The following PVT1 variants were observed in gnomAD, a reference collection of about 807,000 sequenced individuals.
PVT1 encodes CXCR4/PVT1 fusion.
chr8:127,881,831 T>C lies in PVT1; in HGVS notation n.373-8758T>C, dbSNP rs114342782. Among the ~76,000 whole-genome samples the C allele has an allele frequency of 2.3e-3, 344 of 152,180 alleles. 1 individual carries two copies. The highest frequency in any genetic ancestry group is 8.0e-3 in the African/African-American group (334 of 41,514). The stretch of plus-strand genomic sequence containing the variant: ...TGGCTCACTGCAACCTCCACTGACT[T>C]CCTGGACTCAAGGAATCCTCTTACC... On this transcript the variant is annotated intron_variant and non_coding_transcript_variant, in intron 2 of 10. Coordinates refer to ENST00000651587, the Ensembl canonical transcript of PVT1.
At chr8:128,041,046 T>G (rs1813526227) in intron 4 of PVT1, among the ~76,000 whole-genome samples, 1 of 150,980 alleles carries the variant, frequency 6.6e-6, no homozygotes, top group African/African-American at 2.4e-5. Flanking sequence ...TGAGTGCCTG[T>G]GTGTTTGTGT....
At chr8:127,909,381 T>C (rs1482007569) in intron 3 of PVT1, among the ~76,000 whole-genome samples, 1 of 152,230 alleles carries the variant, frequency 6.6e-6, no homozygotes, top group Non-Finnish European at 1.5e-5. Context: ...TTCAAAGTGA[T>C]GCATCTCGAG....
At position 127,873,501 on chromosome 8, in the gene PVT1, A is replaced by G. The variant is rs187810984; in HGVS notation, n.373-17088A>G. On this transcript the variant is annotated intron_variant and non_coding_transcript_variant, in intron 2 of 10. Transcript: ENST00000651587. ...TGAGCTAGTAGGTGGTATCAATAGT[A>G]GCTAATATCTATTTCATGTTTTTTT... 1.8e-4 allele frequency among the ~76,000 whole-genome samples: 28 copies of G among 152,292 alleles called. No individual in the cohort carries two copies. The East Asian group carries it at 5.2e-3, about 28-fold the overall frequency.
At chr8:127,940,900 C>T (rs1816341840) in intron 3 of PVT1, among the ~76,000 whole-genome samples, 1 of 152,214 alleles carries the variant, frequency 6.6e-6, no homozygotes. Context: ...CTATGTCCGG[C>T]TCACGTCCAG....
intron 4 of PVT1, among the ~76,000 whole-genome samples, chr8:128,060,959 TA>T (rs1459466673): frequency 5.5e-4 from 82 of 149,562 alleles, no homozygotes; most frequent in Non-Finnish European, 6.5e-4. Flanking sequence ...ACCCAGGCTG[TA>T]GTGCAGTGGC....
intron 2 of PVT1, among the ~76,000 whole-genome samples, chr8:127,849,641 T>C (rs1326846535): frequency 6.6e-6 from 1 of 151,190 alleles, no homozygotes; most frequent in African/African-American, 2.5e-5. Context: ...AGCCTGTACA[T>C]ATGTGTGTGT....
At chr8:127,873,433 G>A (rs1257180652) in intron 2 of PVT1, among the ~76,000 whole-genome samples, 1 of 152,156 alleles carries the variant, frequency 6.6e-6, no homozygotes, top group Non-Finnish European at 1.5e-5. Context: ...GAGCATTCTT[G>A]GCTGCTGAAA....
chr8:127,993,678 A>G (rs1402067989), intron 4 of PVT1, among the ~76,000 whole-genome samples: 6 of 152,176 alleles, frequency 3.9e-5, no homozygotes. Flanking sequence ...AATTCAGGAC[A>G]CTGACTTGGG....
intron 2 of PVT1, among the ~76,000 whole-genome samples, chr8:127,799,007 G>A (rs1014686591): frequency 3.9e-5 from 6 of 151,954 alleles, no homozygotes; most frequent in African/African-American, 1.5e-4. Flanking sequence ...ACAATGTCAG[G>A]TCATAAAACA....
intron 2 of PVT1, among the ~76,000 whole-genome samples, chr8:127,884,965 C>T (rs1185409597): frequency 2.0e-5 from 3 of 152,228 alleles, no homozygotes; most frequent in Admixed American, 6.5e-5. Flanking sequence ...ACAAACTTGG[C>T]TTCAGACTTG....
chr8:127,796,652 G>A (rs1470690357), intron 2 of PVT1, among the ~76,000 whole-genome samples: 2 of 152,112 alleles, frequency 1.3e-5, no homozygotes, highest in African/African-American at 4.8e-5. Context: ...TGTGTGAGTG[G>A]CCCTGCATTT....
chr8:127,937,409 C>A (rs1226820520), intron 3 of PVT1, among the ~76,000 whole-genome samples: 2 of 151,824 alleles, frequency 1.3e-5, no homozygotes, highest in African/African-American at 4.8e-5. Flanking sequence ...CCATCACGCC[C>A]AGCTAATTTT....
intron 3 of PVT1, among the ~76,000 whole-genome samples, chr8:127,986,073 C>T (rs958413316): frequency 6.6e-6 from 1 of 152,210 alleles, no homozygotes; most frequent in African/African-American, 2.4e-5. Context: ...CAGAGACCTG[C>T]CTTACATGTA....
intron 3 of PVT1, among the ~76,000 whole-genome samples, chr8:127,964,918 C>A (rs951697214): frequency 2.6e-5 from 4 of 152,232 alleles, no homozygotes; most frequent in Non-Finnish European, 5.9e-5. Flanking sequence ...GCCTCAGCCT[C>A]CCACAGCATG....
chr8:127,987,829 A>C (rs1816986618), intron 3 of PVT1, among the ~76,000 whole-genome samples: 1 of 152,258 alleles, frequency 6.6e-6, no homozygotes, highest in Admixed American at 6.5e-5. Flanking sequence ...TTTCCTGGTC[A>C]CAATGCCTGA....
At chr8:127,836,276 T>C (rs1814907933) in intron 2 of PVT1, among the ~76,000 whole-genome samples, 1 of 152,240 alleles carries the variant, frequency 6.6e-6, no homozygotes, top group Non-Finnish European at 1.5e-5. Context: ...GGGTGGTTCA[T>C]ACATATTCTT....
chr8:127,956,018 T>TCTAG (rs1343556925), intron 3 of PVT1, among the ~76,000 whole-genome samples: 1 of 152,278 alleles, frequency 6.6e-6, no homozygotes, highest in Non-Finnish European at 1.5e-5. Flanking sequence ...TGAATTTGCC[T>TCTAG]GTCATACTGT....
At chr8:127,930,934 A>G (rs1466579145) in intron 3 of PVT1, among the ~76,000 whole-genome samples, 1 of 152,098 alleles carries the variant, frequency 6.6e-6, no homozygotes, top group Non-Finnish European at 1.5e-5. Context: ...TGTTTTTGAG[A>G]CAGGGTCTTG....
intron 2 of PVT1, among the ~76,000 whole-genome samples, chr8:127,801,889 A>T (rs1429818317): frequency 2.0e-5 from 3 of 147,378 alleles, no homozygotes; most frequent in East Asian, 2.0e-4. Flanking sequence ...AAGATATCTC[A>T]TTATTTATTT....
Sources: gnomAD v4.1 joint callset for allele counts (sites outside exome capture counted in the v4.1 genomes callset) on GRCh38, gnomAD v4.1.1 for gene constraint, MANE v1.5 for transcripts, NCBI Gene and HGNC (gene_info 2026-07-23, HGNC 2026-07-21) for gene names.